Variants in CLSTN2 observed in about 807,000 individuals in gnomAD.
CLSTN2 encodes calsyntenin-2.
Under a neutral mutation model 101.2 loss-of-function variants are expected in CLSTN2, and 48 were observed. The ratio of observed to expected loss-of-function variants is 0.47; its 90% confidence interval spans 0.38 to 0.60. The LOEUF (loss-of-function observed/expected upper bound fraction) is 0.60. Among genes scored for constraint, CLSTN2 ranks in the 20% least tolerant of loss-of-function variants. The pLI is 0.00. For missense variants in CLSTN2, 1,160 were observed against 1,238.2 expected, an observed-to-expected ratio of 0.94 and a Z score of 0.95; for synonymous variants, 481 against 463.6, an observed-to-expected ratio of 1.04 and a Z score of -0.48.
chr3:140,301,825 C>A (rs1053494546), intron 2 of CLSTN2, among the ~76,000 whole-genome samples: 1 of 152,136 alleles, frequency 6.6e-6, no homozygotes, highest in African/African-American at 2.4e-5. Flanking sequence ...TCCTGCCCAG[C>A]TAGCTACATG....
intron 1 of CLSTN2, among the ~76,000 whole-genome samples, chr3:140,054,649 A>T (rs2008065672): frequency 6.6e-6 from 1 of 152,140 alleles, no homozygotes; most frequent in African/African-American, 2.4e-5. Flanking sequence ...TCACCTTTTG[A>T]CTAATAGAAT....
intron 2 of CLSTN2, among the ~76,000 whole-genome samples, chr3:140,244,264 G>C (rs189642058): frequency 2.0e-5 from 3 of 152,190 alleles, no homozygotes; most frequent in Admixed American, 6.5e-5. Flanking sequence ...GCAGAGAGGG[G>C]TTACCTGATT....
chr3:139,971,385 C>A (rs1297726647), intron 1 of CLSTN2, among the ~76,000 whole-genome samples: 2 of 152,166 alleles, frequency 1.3e-5, no homozygotes, highest in African/African-American at 2.4e-5. Context: ...AAAATTTATT[C>A]AACAATCATT....
In CLSTN2 at chr3:140,412,099, T is replaced by C. The variant is rs57714341; in HGVS notation, c.637+7333T>C. 2.8e-3 allele frequency among the ~76,000 whole-genome samples: 419 copies of C among 152,342 alleles called. 3 individuals carry two copies. The highest frequency in any genetic ancestry group is 9.8e-3 in the African/African-American group (409 of 41,580). ...GGTGCAATCTAGGCTCACCATAACCTCTGCCTCCCGGGTTCAAGTGATTCA... is the reference window on the plus strand; with the variant it reads ...GGTGCAATCTAGGCTCACCATAACCCCTGCCTCCCGGGTTCAAGTGATTCA... On this transcript the variant is annotated intron_variant, in intron 4 of 16. Coordinates refer to ENST00000458420, the MANE Select transcript of CLSTN2 (RefSeq NM_022131.3).
At chr3:140,011,800 CG>C (rs1185505891) in intron 1 of CLSTN2, among the ~76,000 whole-genome samples, 1 of 151,290 alleles carries the variant, frequency 6.6e-6, no homozygotes, top group African/African-American at 2.4e-5. Flanking sequence ...TGGCAGGGGT[CG>C]GGGGGGATTG....
At chr3:140,242,892 C>T (rs2086482948) in intron 2 of CLSTN2, among the ~76,000 whole-genome samples, 1 of 152,188 alleles carries the variant, frequency 6.6e-6, no homozygotes. Flanking sequence ...ACGCTGCCCT[C>T]ATTTGGGACT....
intron 2 of CLSTN2, among the ~76,000 whole-genome samples, chr3:140,331,239 A>G (rs1308510593): frequency 6.6e-6 from 1 of 152,170 alleles, no homozygotes; most frequent in African/African-American, 2.4e-5. Flanking sequence ...GCACGGGAAG[A>G]GAGAGAAAGA....
intron 2 of CLSTN2, among the ~76,000 whole-genome samples, chr3:140,210,353 A>G (rs2010839513): frequency 6.6e-6 from 1 of 152,236 alleles, no homozygotes; most frequent in Non-Finnish European, 1.5e-5. Context: ...CACAGTGTTC[A>G]ACTTGATAGA....
intron 1 of CLSTN2, among the ~76,000 whole-genome samples, chr3:140,054,854 G>T (rs2008070248): frequency 6.6e-6 from 1 of 152,182 alleles, no homozygotes; most frequent in African/African-American, 2.4e-5. Context: ...GTCATAAGAG[G>T]CACTATGCCT....
At chr3:140,186,131 T>A (rs1189127302) in intron 2 of CLSTN2, among the ~76,000 whole-genome samples, 2 of 152,136 alleles carry the variant, frequency 1.3e-5, no homozygotes, top group African/African-American at 4.8e-5. Flanking sequence ...ACTGGGAATT[T>A]AAAACATTGA....
At chr3:140,135,180 C>T (rs9873081) in intron 1 of CLSTN2, among the ~76,000 whole-genome samples, 98,976 of 132,706 alleles carry the variant, frequency 0.75, 38,904 homozygotes, top group East Asian at 0.93. Context: ...CTGGGTATTA[C>T]AGTCATCCTA....
At chr3:140,064,884 A>G (rs2008272893) in intron 1 of CLSTN2, among the ~76,000 whole-genome samples, 1 of 152,210 alleles carries the variant, frequency 6.6e-6, no homozygotes, top group Non-Finnish European at 1.5e-5. Flanking sequence ...AAGCACAAAG[A>G]TTAAAGATGA....
chr3:140,146,559 A>G (rs556015906), intron 1 of CLSTN2, among the ~76,000 whole-genome samples: 2 of 152,376 alleles, frequency 1.3e-5, no homozygotes, highest in East Asian at 3.9e-4. Flanking sequence ...AATTCAGAGG[A>G]AGCTCATCTT....
chr3:140,564,222 A>G, intron 16 of CLSTN2, 77 bp downstream of exon 16: 1 of 1,373,854 alleles, frequency 7.3e-7, no homozygotes. Context: ...CTATGCCTAA[A>G]GCAGCCCCAT....
chr3:140,484,102 A>C (rs921754588), intron 8 of CLSTN2, among the ~76,000 whole-genome samples: 1 of 152,070 alleles, frequency 6.6e-6, no homozygotes, highest in East Asian at 1.9e-4. Flanking sequence ...GGCTGGTACC[A>C]GTTGTTCCTT....
In CLSTN2 at chr3:140,341,405, C is replaced by T. The variant is rs79382442; in HGVS notation, c.233-62224C>T. 6.6e-3 allele frequency among the ~76,000 whole-genome samples: 1,011 copies of T among 152,278 alleles called. 16 individuals are homozygous for T. The highest frequency in any genetic ancestry group is 0.023 in the African/African-American group (953 of 41,538). ...CTGCCTGCCTTGCAGAGGGTGTATC[C>T]GGCAGAGCAACTTCCAATAGTGTCG... is the stretch of plus-strand genomic sequence containing the variant. On this transcript the variant is annotated intron_variant, in intron 2 of 16. Transcript: ENST00000458420.
chr3:140,022,427 T>A (rs188610008), intron 1 of CLSTN2, among the ~76,000 whole-genome samples: 1 of 152,188 alleles, frequency 6.6e-6, no homozygotes, highest in Non-Finnish European at 1.5e-5. Context: ...AGCCTGGGTC[T>A]GGAGATGGAG....
chr3:140,389,248 A>C (rs909741911), intron 2 of CLSTN2, among the ~76,000 whole-genome samples: 1 of 152,152 alleles, frequency 6.6e-6, no homozygotes, highest in African/African-American at 2.4e-5. Context: ...CCCAGGTATT[A>C]AGCCCCACAT....
chr3:140,381,729 T>A (rs530425631), intron 2 of CLSTN2, among the ~76,000 whole-genome samples: 2 of 152,328 alleles, frequency 1.3e-5, no homozygotes, highest in South Asian at 4.1e-4. Context: ...CCCAGGTGGA[T>A]CAGCCAGATG....
Sources: gnomAD v4.1 joint callset for allele counts (sites outside exome capture counted in the v4.1 genomes callset) on GRCh38, gnomAD v4.1.1 for gene constraint, MANE v1.5 for transcripts, NCBI Gene and HGNC (gene_info 2026-07-23, HGNC 2026-07-21) for gene names.